Variants in AKAP12 observed in about 807,000 individuals in gnomAD.
AKAP12 encodes A-kinase anchor protein 12.
In AKAP12, 32 loss-of-function variants were observed where a neutral mutation model predicts 79.9. The ratio of observed to expected loss-of-function variants is 0.40; its 90% CI spans 0.30 to 0.54. The LOEUF (loss-of-function observed/expected upper bound fraction) is 0.54, where lower values mean the gene tolerates loss of function less well. Among genes scored for constraint, AKAP12 ranks in the 20% least tolerant of loss-of-function variants. AKAP12 has a pLI of 0.48. For missense variants in AKAP12, 2,074 were observed against 2,177.0 expected, an observed-to-expected ratio of 0.95 and a Z score of 0.94; for synonymous variants, 808 against 857.0, an observed-to-expected ratio of 0.94 and a Z score of 1.00.
At chr6:151,327,738 T>A (rs1410282309) in intron 3 of AKAP12, among the ~76,000 whole-genome samples, 4 of 152,172 alleles carry the variant, frequency 2.6e-5, no homozygotes, top group African/African-American at 9.6e-5. Context: ...GACTAACTTT[T>A]AAGGCAAAAT....
intron 2 of AKAP12, among the ~76,000 whole-genome samples, chr6:151,259,540 A>ACC (rs1797378205): frequency 6.9e-6 from 1 of 145,552 alleles, no homozygotes; most frequent in East Asian, 2.0e-4. Flanking sequence ...ACACACACAC[A>ACC]CACACGTTTA....
At chr6:151,304,530 A>C (rs1206106067) in intron 2 of AKAP12, among the ~76,000 whole-genome samples, 1 of 145,074 alleles carries the variant, frequency 6.9e-6, no homozygotes, top group Admixed American at 6.9e-5. Flanking sequence ...GGATTATATG[A>C]CCAAGGGCAT....
rs200024495 is a variant in AKAP12 at position 151,350,910 on chromosome 6, A to T, written c.2519A>T (p.Asp840Val). ...DAGPTGANEDDSDVPAVVPLS... is the reference protein window; with the variant it reads ...DAGPTGANEDVSDVPAVVPLS... ...GGGCCAACAGGGGCCAACGAAGATG[A>T]CTCTGATGTCCCGGCCGTGGTCCCT... The change falls in exon 4 of 5, where the codon GAC becomes GTC. Residue 840 changes from aspartate to valine, a missense_variant. Transcript: ENST00000402676. This position sits in a 1 kb window ranked among gnomAD's most constrained non-coding sequence, Gnocchi z 4.8. The T allele has an allele frequency of 1.5e-5, 24 of 1,613,894 alleles. No homozygotes were observed. The highest frequency in any genetic ancestry group is 1.7e-5 in the Non-Finnish European group (20 of 1,179,996).
At position 151,240,385 on chromosome 6, in the gene AKAP12, A is replaced by T; in HGVS notation, c.-178A>T. The stretch of plus-strand genomic sequence containing the variant: ...TTTTTTTTTTCCTTTTCTTTTAAGG[A>T]GTTTGCCGCGAGCGCGTCTCCTTCA... On this transcript the variant is annotated splice_region_variant and 5_prime_UTR_variant, in exon 2 of 5. Coordinates refer to ENST00000402676, the MANE Select transcript of AKAP12 (RefSeq NM_005100.4). The T allele has an allele frequency of 1.1e-5, 5 of 462,642 alleles. No homozygotes were observed. The highest frequency in any genetic ancestry group is 1.4e-5 in the Non-Finnish European group (4 of 293,570). The allele number at this position is 462,642 out of a possible 1,614,324, so 28.7% of individuals were successfully genotyped here. A position where few individuals can be genotyped will look rare whatever the true frequency, so the allele number is the denominator to read the frequency against.
At chr6:151,339,778 T>G (rs1455422348) in intron 3 of AKAP12, among the ~76,000 whole-genome samples, 2 of 152,214 alleles carry the variant, frequency 1.3e-5, no homozygotes, top group Admixed American at 1.3e-4. Context: ...GCCACTGCTC[T>G]TTTTACTGTC....
intron 3 of AKAP12, among the ~76,000 whole-genome samples, chr6:151,338,090 C>T (rs1193521254): frequency 1.3e-5 from 2 of 152,144 alleles, no homozygotes; most frequent in African/African-American, 2.4e-5. Flanking sequence ...GTCCTTTACT[C>T]CTAAATATTT....
intron 3 of AKAP12, among the ~76,000 whole-genome samples, chr6:151,327,423 C>A (rs923599162): frequency 6.6e-6 from 1 of 152,158 alleles, no homozygotes; most frequent in Admixed American, 6.5e-5. Context: ...CAAAAATCTC[C>A]ATTTTTTCCC....
chr6:151,251,283 C>T (rs1465692152), intron 2 of AKAP12, among the ~76,000 whole-genome samples: 3 of 152,172 alleles, frequency 2.0e-5, no homozygotes, highest in African/African-American at 7.2e-5. Flanking sequence ...ATGAACAAAA[C>T]AAAGTTTCAG....
intron 3 of AKAP12, among the ~76,000 whole-genome samples, chr6:151,341,519 C>A (rs983603985): frequency 4.6e-5 from 7 of 152,176 alleles, no homozygotes; most frequent in African/African-American, 1.7e-4. Context: ...GGGCTGGCGC[C>A]GGGCGCGGGG....
chr6:151,355,518 G>A (rs781276602), intron 4 of AKAP12, among the ~76,000 whole-genome samples: 17 of 151,278 alleles, frequency 1.1e-4, no homozygotes, highest in Non-Finnish European at 1.9e-4. Flanking sequence ...GGCCAGGATG[G>A]TCTCGATCTC....
At chr6:151,248,868 T>C (rs907782975) in intron 2 of AKAP12, among the ~76,000 whole-genome samples, 1 of 151,870 alleles carries the variant, frequency 6.6e-6, no homozygotes, top group Non-Finnish European at 1.5e-5. Flanking sequence ...GTACCTGTAA[T>C]CCCAGCTACT....
At chr6:151,302,847 T>A (rs563608676) in intron 2 of AKAP12, among the ~76,000 whole-genome samples, 3 of 152,198 alleles carry the variant, frequency 2.0e-5, no homozygotes, top group Non-Finnish European at 4.4e-5. Flanking sequence ...CTTTTCTTCC[T>A]GTTACTAATC....
chr6:151,331,936 C>T (rs1449319210), intron 3 of AKAP12, among the ~76,000 whole-genome samples: 1 of 150,748 alleles, frequency 6.6e-6, no homozygotes, highest in Non-Finnish European at 1.5e-5. Context: ...ACGATCATAG[C>T]TCACTGCAGC....
At chr6:151,337,833 A>G (rs1178370227) in intron 3 of AKAP12, among the ~76,000 whole-genome samples, 2 of 152,104 alleles carry the variant, frequency 1.3e-5, no homozygotes, top group Non-Finnish European at 2.9e-5. Flanking sequence ...CTTTGAGCTC[A>G]GGAGTTCAAG....
intron 2 of AKAP12, among the ~76,000 whole-genome samples, chr6:151,268,950 T>TTG (rs1757984340): frequency 1.9e-5 from 1 of 52,216 alleles, no homozygotes; most frequent in Admixed American, 3.0e-4. Context: ...GGCCTGTTTT[T>TTG]TTTTTTTTTT....
intron 2 of AKAP12, among the ~76,000 whole-genome samples, chr6:151,274,797 A>G (rs7739158): frequency 0.6 from 90,610 of 151,992 alleles, 27,167 homozygotes; most frequent in Middle Eastern, 0.69. Context: ...TAGTATAAAA[A>G]TGGAGGTAAG....
intron 2 of AKAP12, chr6:151,280,646 CTTTTTTTT>C (rs55889576): frequency 1.7e-5 from 2 of 119,534 alleles, no homozygotes; most frequent in African/African-American, 3.0e-5. Flanking sequence ...TTTTCATTTT[CTTTTTTTT>C]TTTTTTTTTG....
At chr6:151,259,338 G>T (rs909599708) in intron 2 of AKAP12, among the ~76,000 whole-genome samples, 1 of 150,728 alleles carries the variant, frequency 6.6e-6, no homozygotes, top group Non-Finnish European at 1.5e-5. Flanking sequence ...GAGCCACGGC[G>T]CCCGGCCTAT....
At chr6:151,268,933 C>T (rs747403590) in intron 2 of AKAP12, among the ~76,000 whole-genome samples, 5 of 141,688 alleles carry the variant, frequency 3.5e-5, no homozygotes, top group Admixed American at 7.3e-5. Flanking sequence ...CATGAGCCAC[C>T]GTGCTCGGCC....
Sources: allele counts gnomAD v4.1 joint callset (sites outside exome capture counted in the v4.1 genomes callset), GRCh38; gene constraint gnomAD v4.1.1; non-coding constraint Gnocchi (gnomAD v3.1); transcripts MANE v1.5; gene names NCBI Gene and HGNC (gene_info 2026-07-23, HGNC 2026-07-21).